EHMT1: variants seen among roughly 807,000 people sequenced by gnomAD.
EHMT1 encodes euchromatic histone lysine methyltransferase 1.
In EHMT1, 15 loss-of-function variants were observed where a neutral mutation model predicts 147.2. That is an observed-to-expected ratio of 0.10 (90% CI 0.07 to 0.16). The LOEUF is 0.16. EHMT1 is among the 10% of genes least tolerant of loss of function. The pLI, the probability that EHMT1 is intolerant of heterozygous loss-of-function variation, is 1.00. For synonymous variants in EHMT1, 795 were observed against 709.6 expected, an observed-to-expected ratio of 1.12 and a Z score of -1.91; for missense variants, 1,587 against 1,772.4, an observed-to-expected ratio of 0.90 and a Z score of 1.88.
chr9:137,645,961 T>G (rs10217292), intron 1 of EHMT1, among the ~76,000 whole-genome samples: 26,413 of 152,082 alleles, frequency 0.17, 2,560 homozygotes, highest in Admixed American at 0.3. Flanking sequence ...TTACTTCTAT[T>G]TTTACTTTTT....
chr9:137,703,776 G>A (rs188240825), intron 1 of EHMT1, among the ~76,000 whole-genome samples: 30 of 151,976 alleles, frequency 2.0e-4, no homozygotes, highest in African/African-American at 6.0e-4. Flanking sequence ...TTCAAACTTC[G>A]GCCCATTACC....
rs764533075 is a variant in EHMT1, at chr9:137,779,638, C to T, written c.2196C>T (p.Pro732=). The change falls in exon 14 of 27, where the codon CCC becomes CCT. Residue 732 remains proline, a synonymous_variant. Transcript: ENST00000460843. ...SALIALDSEK[P]KKLRFHPKQL... The stretch of plus-strand genomic sequence containing the variant: ...TGTTGTCTTGTGCTTCCCACAGACC[C>T]AAGAAGCTTCGCTTCCACCCAAAGC... 5.0e-6 allele frequency: 8 copies of T among 1,613,932 alleles called. No individual in the cohort carries two copies. The highest frequency in any genetic ancestry group is 6.8e-6 in the Non-Finnish European group (8 of 1,180,046).
intron 25 of EHMT1, chr9:137,823,414 AAT>A: frequency 3.6e-6 from 1 of 276,512 alleles, no homozygotes; most frequent in South Asian, 2.0e-5. Flanking sequence ...ACGCCTGGGT[AAT>A]TTTTTTTTTT....
At chr9:137,646,526 C>T in intron 1 of EHMT1, 1 of 888,014 alleles carries the variant, frequency 1.1e-6, no homozygotes, top group South Asian at 5.2e-5. Flanking sequence ...GCCTTGGCTG[C>T]CCAACCCTGG....
intron 16 of EHMT1, among the ~76,000 whole-genome samples, chr9:137,797,356 A>G (rs1358861610): frequency 6.6e-6 from 1 of 152,134 alleles, no homozygotes; most frequent in Non-Finnish European, 1.5e-5. Context: ...TGCCGCTCCC[A>G]GCCCTGCCCT....
In EHMT1 at chr9:137,787,825, A is replaced by C; in HGVS notation, c.2383-3023A>C. On this transcript the variant is annotated intron_variant, in intron 15 of 26. Transcript: ENST00000460843. The surrounding 1 kb of genome is among the most constrained non-coding windows in gnomAD (Gnocchi z 4.2). Reference sequence around the variant, plus strand: ...CCTCAGGTTTCAGGGGCCACCCCCCAGTAGGCAGAGCTGGTTGACGGTGGA... The same window carrying C: ...CCTCAGGTTTCAGGGGCCACCCCCCCGTAGGCAGAGCTGGTTGACGGTGGA... 1.0e-6 allele frequency: 1 copy of C among 954,906 alleles called. No individual in the cohort carries two copies. The highest frequency in any genetic ancestry group is 1.7e-6 in the Non-Finnish European group (1 of 582,170). The allele number at this position is 954,906 out of a possible 1,614,324, so 59.2% of individuals were successfully genotyped here.
At chr9:137,801,012 C>T (rs1274471433) in intron 18 of EHMT1, 28 bp downstream of exon 18, 2 of 1,603,796 alleles carry the variant, frequency 1.2e-6, no homozygotes, top group African/African-American at 2.7e-5. Flanking sequence ...TCCCCGGGAG[C>T]CGTGTCCTGG....
rs201655114 is a variant in EHMT1 at position 137,834,495 on chromosome 9, C to T, written c.3687C>T (p.Thr1229=). ...LRFPRIAFFS[T]RLIEAGEQLG... is the part of the protein sequence containing the mutation. ...TCCCCCGGATCGCCTTCTTCAGCACCCGCCTGATCGAGGCCGGCGAGCAGC... is the reference window on the plus strand; with the variant it reads ...TCCCCCGGATCGCCTTCTTCAGCACTCGCCTGATCGAGGCCGGCGAGCAGC... The change falls in exon 26 of 27, where the codon ACC becomes ACT. Residue 1229 remains threonine, a synonymous_variant. Coordinates refer to ENST00000460843, the MANE Select transcript of EHMT1 (RefSeq NM_024757.5). The T allele has an allele frequency of 1.3e-3, 2,066 of 1,612,186 alleles. 42 individuals carry two copies. In the South Asian group the frequency reaches 0.022, roughly 17 times the overall value.
intron 1 of EHMT1, among the ~76,000 whole-genome samples, chr9:137,673,302 G>A (rs865994505): frequency 1.3e-5 from 2 of 152,156 alleles, no homozygotes; most frequent in South Asian, 2.1e-4. Flanking sequence ...CACCATTCTC[G>A]ACTGCTGCTT....
intron 1 of EHMT1, among the ~76,000 whole-genome samples, chr9:137,662,605 C>T (rs369950350): frequency 1.4e-4 from 21 of 151,972 alleles, no homozygotes; most frequent in African/African-American, 4.3e-4. Flanking sequence ...GTTCAAGCAA[C>T]TCTCCTGCCT....
At chr9:137,619,080 G>C in intron 1 of EHMT1, 31 bp downstream of exon 1, 1 of 784,438 alleles carries the variant, frequency 1.3e-6, no homozygotes, top group Non-Finnish European at 1.5e-6. Context: ...GGGGCGGCGC[G>C]GGGGCGGCGG....
Position 137,711,455 on chromosome 9 carries a change from T to C in EHMT1, c.85+425T>C, listed in dbSNP as rs560055764. ...AGCCCAGAAGAGCACACAGCATGAC[T>C]GACGCCGCGCCATGGATGAAGCTTT... On this transcript the variant is annotated intron_variant, in intron 2 of 26. Transcript: ENST00000460843. Among the ~76,000 whole-genome samples, 8 of 152,282 alleles carry C rather than the reference T, an allele frequency of 5.3e-5. No individual in the cohort carries two copies. In the South Asian group the frequency reaches 1.7e-3, roughly 32 times the overall value.
chr9:137,729,759 A>T (rs1946945403), intron 4 of EHMT1, among the ~76,000 whole-genome samples: 1 of 151,958 alleles, frequency 6.6e-6, no homozygotes, highest in Non-Finnish European at 1.5e-5. Context: ...AGTTGTAAAC[A>T]TTGTGCCCTT....
At chr9:137,826,874 G>A (rs960734121) in intron 25 of EHMT1, among the ~76,000 whole-genome samples, 2 of 152,212 alleles carry the variant, frequency 1.3e-5, no homozygotes, top group Non-Finnish European at 2.9e-5. Context: ...CCAGTTCACT[G>A]TGGGCCAATC....
Position 137,813,091 on chromosome 9 carries a change from G to A in EHMT1, c.2953G>A (p.Val985Met), listed in dbSNP as rs764059584. 6.2e-7 allele frequency: 1 copy of A among 1,613,728 alleles called. No individual in the cohort carries two copies. Among genetic ancestry groups the A allele is most frequent in the Non-Finnish European group, 8.5e-7 (1 of 1,180,036 alleles). The change falls in exon 20 of 27, where the codon GTG becomes ATG. Residue 985 changes from valine to methionine, a missense_variant. Coordinates refer to ENST00000460843, the MANE Select transcript of EHMT1 (RefSeq NM_024757.5). This position sits in a 1 kb window ranked among gnomAD's most constrained non-coding sequence, Gnocchi z 4.9. ...PLQCASLNSQVWSALQMSKAL... is the reference protein window; with the variant it reads ...PLQCASLNSQMWSALQMSKAL... Reference sequence around the variant, plus strand: ...GCAGTGTGCGAGCCTCAACTCTCAGGTGTGGAGCGCTCTGCAGATGAGCAA... The same window carrying A: ...GCAGTGTGCGAGCCTCAACTCTCAGATGTGGAGCGCTCTGCAGATGAGCAA...
intron 3 of EHMT1, among the ~76,000 whole-genome samples, chr9:137,726,018 C>T (rs553152611): frequency 6.6e-6 from 1 of 152,312 alleles, no homozygotes; most frequent in East Asian, 1.9e-4. Flanking sequence ...ACCCACCGAG[C>T]ACTTTGAGTT....
intron 14 of EHMT1, among the ~76,000 whole-genome samples, chr9:137,781,332 CTGAGA>C: frequency 7.2e-6 from 1 of 138,754 alleles, no homozygotes; most frequent in Non-Finnish European, 1.6e-5. Flanking sequence ...GGTGATGACG[CTGAGA>C]CGTGTGGTGA....
chr9:137,646,688 C>G (rs1297643636), intron 1 of EHMT1, among the ~76,000 whole-genome samples: 1 of 152,206 alleles, frequency 6.6e-6, no homozygotes, highest in Admixed American at 6.5e-5. Context: ...GTCATGAGCT[C>G]TGGCCGAATT....
At chr9:137,647,702 C>G (rs1845003431) in intron 1 of EHMT1, among the ~76,000 whole-genome samples, 1 of 149,824 alleles carries the variant, frequency 6.7e-6, no homozygotes, top group Admixed American at 6.8e-5. Context: ...TCCAGTGATT[C>G]TCCTGTCTCA....
Sources: allele counts gnomAD v4.1 joint callset (sites outside exome capture counted in the v4.1 genomes callset), GRCh38; gene constraint gnomAD v4.1.1; non-coding constraint Gnocchi (gnomAD v3.1); transcripts MANE v1.5; gene names NCBI Gene and HGNC (gene_info 2026-07-23, HGNC 2026-07-21).